Variants in IRAG1 observed in about 807,000 individuals in gnomAD.
The protein encoded by IRAG1 is IP3R-associated cGMP kinase substrate.
IRAG1 carries 62 observed loss-of-function variants against 106.2 expected under a neutral mutation model. That is an observed-to-expected ratio of 0.58 (90% CI 0.48 to 0.72). The LOEUF is 0.72. Ranked by LOEUF, IRAG1 falls within the 30% of genes least tolerant of loss-of-function variation. The probability of loss-of-function intolerance (pLI) is 0.00; values close to 1 mark genes in which losing one functional copy is unlikely to be tolerated. For synonymous variants in IRAG1, 462 were observed against 443.9 expected, an observed-to-expected ratio of 1.04 and a Z score of -0.51; for missense variants, 1,064 against 1,140.7, an observed-to-expected ratio of 0.93 and a Z score of 0.97.
At chr11:10,609,023 CT>C (rs1485437478) in intron 11 of IRAG1, among the ~76,000 whole-genome samples, 2 of 152,180 alleles carry the variant, frequency 1.3e-5, no homozygotes, top group African/African-American at 2.4e-5. Flanking sequence ...TCCAACTTCA[CT>C]CTTTTGTATG....
At chr11:10,656,163 C>T (rs1858908300) in intron 1 of IRAG1, among the ~76,000 whole-genome samples, 1 of 152,186 alleles carries the variant, frequency 6.6e-6, no homozygotes, top group Non-Finnish European at 1.5e-5. Context: ...TCTAGAGCAC[C>T]AACCCATAAA....
intron 10 of IRAG1, among the ~76,000 whole-genome samples, chr11:10,613,536 T>TAAATCGAATAAATTTGGG (rs1431390156): frequency 6.6e-6 from 1 of 152,206 alleles, no homozygotes; most frequent in East Asian, 1.9e-4. Context: ...AAACAAGACA[T>TAAATCGAATAAATTTGGG]AAATCGAATA....
chr11:10,688,367 C>T (rs775235324), intron 1 of IRAG1, among the ~76,000 whole-genome samples: 1 of 152,116 alleles, frequency 6.6e-6, no homozygotes, highest in African/African-American at 2.4e-5. Flanking sequence ...ACTCAGAGCC[C>T]GGGGTTATTT....
At chr11:10,658,216 G>A (rs1364301076) in intron 1 of IRAG1, among the ~76,000 whole-genome samples, 1 of 152,204 alleles carries the variant, frequency 6.6e-6, no homozygotes, top group Non-Finnish European at 1.5e-5. Context: ...TGAGCCGGAT[G>A]GGAAGCCTGC....
chr11:10,658,193 G>A (rs538565008), intron 1 of IRAG1, among the ~76,000 whole-genome samples: 1 of 152,176 alleles, frequency 6.6e-6, no homozygotes, highest in African/African-American at 2.4e-5. Context: ...GCTGGGTTCC[G>A]CGACTCCACA....
chr11:10,606,598 G>T, intron 12 of IRAG1, 144 bp downstream of exon 12: 1 of 804,272 alleles, frequency 1.2e-6, no homozygotes, highest in Non-Finnish European at 1.9e-6. Flanking sequence ...AAGAGGGCTG[G>T]TCATGAATGT....
chr11:10,671,702 ACT>A (rs1244254731), intron 1 of IRAG1, among the ~76,000 whole-genome samples: 1 of 150,624 alleles, frequency 6.6e-6, no homozygotes, highest in Non-Finnish European at 1.5e-5. Flanking sequence ...ACAGGGTGAG[ACT>A]CTGTCTTAAA....
At chr11:10,653,910 T>C (rs1223918204) in intron 1 of IRAG1, among the ~76,000 whole-genome samples, 2 of 152,100 alleles carry the variant, frequency 1.3e-5, no homozygotes, top group Admixed American at 6.5e-5. Context: ...CTGCAACTTT[T>C]AGAGATTCCC....
Position 10,576,030 on chromosome 11 carries a change from T to G in IRAG1, c.*302A>C, listed in dbSNP as rs1040889645. Reference sequence around the variant, plus strand: ...ACCCCCAACCACCAGTGAAGGTGTTTTAGTTCTCCCCAGCCACCTGAGCTA... The same window carrying G: ...ACCCCCAACCACCAGTGAAGGTGTTGTAGTTCTCCCCAGCCACCTGAGCTA... On this transcript the variant is annotated 3_prime_UTR_variant, in exon 21 of 21. Coordinates refer to ENST00000423302, the MANE Select transcript of IRAG1 (RefSeq NM_130385.4). The G allele has an allele frequency of 2.7e-6, 1 of 371,044 alleles. No homozygotes were observed. The highest frequency in any genetic ancestry group is 5.1e-6 in the Non-Finnish European group (1 of 197,330). 23.0% of individuals were successfully genotyped at this position (371,044 alleles called of 1,614,324 possible).
intron 18 of IRAG1, chr11:10,589,125 G>T (rs2134180789): frequency 6.6e-6 from 1 of 152,284 alleles, no homozygotes; most frequent in South Asian, 2.1e-4. Flanking sequence ...CAGCTCTCAA[G>T]TATCTTCCTG....
chr11:10,680,460 A>AGAAGGAAG (rs371519706), intron 1 of IRAG1, among the ~76,000 whole-genome samples: 1 of 146,668 alleles, frequency 6.8e-6, no homozygotes, highest in South Asian at 2.3e-4. Flanking sequence ...GGAAAGAGAA[A>AGAAGGAAG]GAAGGAAGGA....
intron 18 of IRAG1, chr11:10,586,014 T>C (rs2134145392): frequency 6.6e-6 from 1 of 152,310 alleles, no homozygotes; most frequent in South Asian, 2.1e-4. Context: ...TCCCCCTGCC[T>C]TTCTTTCAAC....
chr11:10,585,157 T>C (rs150336298), intron 18 of IRAG1, among the ~76,000 whole-genome samples: 42 of 152,322 alleles, frequency 2.8e-4, no homozygotes, highest in African/African-American at 9.6e-4. Flanking sequence ...CCTTAGAATT[T>C]TGCAGATAAG....
chr11:10,685,416 C>CAAAA (rs375363531), intron 1 of IRAG1, among the ~76,000 whole-genome samples: 84 of 136,636 alleles, frequency 6.1e-4, no homozygotes, highest in African/African-American at 2.2e-3. Flanking sequence ...ATTCCGTTCC[C>CAAAA]AAAAAAAAAA....
At chr11:10,686,069 C>T (rs1861641206) in intron 1 of IRAG1, among the ~76,000 whole-genome samples, 1 of 152,150 alleles carries the variant, frequency 6.6e-6, no homozygotes, top group Non-Finnish European at 1.5e-5. Flanking sequence ...AAAAATATGA[C>T]AAGAGAGTCC....
chr11:10,603,727 C>T (rs1564902763), intron 13 of IRAG1, among the ~76,000 whole-genome samples: 3 of 152,134 alleles, frequency 2.0e-5, no homozygotes, highest in Non-Finnish European at 2.9e-5. Context: ...GGGGCCTGGG[C>T]GAGGTGATTA....
Position 10,628,198 on chromosome 11 carries a change from A to G in IRAG1, c.653-173T>C, listed in dbSNP as rs1856408502. 1.4e-6 allele frequency: 1 copy of G among 732,982 alleles called. No individual in the cohort carries two copies. The highest frequency in any genetic ancestry group is 2.5e-6 in the Non-Finnish European group (1 of 406,538). The allele number at this position is 732,982 out of a possible 1,614,324, so 45.4% of individuals were successfully genotyped here. On this transcript the variant is annotated intron_variant, in intron 6 of 20. Transcript: ENST00000423302. The surrounding 1 kb of genome is among the most constrained non-coding windows in gnomAD (Gnocchi z 4.1). Reference sequence around the variant, plus strand: ...AGGTGGGCCCTCACAGAATGTTCACAGAGACCACAGGAGGAAACTGAGGCA... The same window carrying G: ...AGGTGGGCCCTCACAGAATGTTCACGGAGACCACAGGAGGAAACTGAGGCA...
chr11:10,658,944 G>C (rs115702762), intron 1 of IRAG1, among the ~76,000 whole-genome samples: 5,694 of 151,176 alleles, frequency 0.038, 387 homozygotes, highest in African/African-American at 0.13. Context: ...CTCAGTCCCA[G>C]GTCTGTGCTA....
Position 10,666,562 on chromosome 11 carries a change from T to TAGC in IRAG1, c.68-14381_68-14380insGCT, listed in dbSNP as rs1450013567. 3.3e-5 allele frequency among the ~76,000 whole-genome samples: 5 copies of TAGC among 152,330 alleles called. No individual in the cohort carries two copies. In the East Asian group the frequency reaches 9.6e-4, roughly 29 times the overall value. On this transcript the variant is annotated intron_variant, in intron 1 of 20. Transcript: ENST00000423302. ...CACCAGTTTGTCATCGTGGAGAAGG[T>TAGC]ATCATCCCTAACAATCAGATTTACC...
Sources: allele counts gnomAD v4.1 joint callset (sites outside exome capture counted in the v4.1 genomes callset), GRCh38; gene constraint gnomAD v4.1.1; non-coding constraint Gnocchi (gnomAD v3.1); transcripts MANE v1.5; gene names NCBI Gene and HGNC (gene_info 2026-07-23, HGNC 2026-07-21).